Variants in RPS6KC1 observed in about 807,000 individuals in gnomAD.
The protein encoded by RPS6KC1 is inactive ribosomal protein S6 kinase delta-1.
RPS6KC1 carries 54 observed loss-of-function variants against 103.8 expected under a neutral mutation model. That is an observed-to-expected ratio of 0.52 (90% CI 0.42 to 0.65). The LOEUF is 0.65. Ranked by LOEUF, RPS6KC1 falls within the 30% of genes least tolerant of loss-of-function variation. The pLI is 0.00. For missense variants in RPS6KC1, 1,151 were observed against 1,253.8 expected (o/e 0.92, Z 1.24); for synonymous variants, 439 against 438.7 (o/e 1.00, Z -0.01).
intron 1 of RPS6KC1, among the ~76,000 whole-genome samples, chr1:213,065,691 T>A (rs1182424953): frequency 6.6e-6 from 1 of 152,248 alleles, no homozygotes; most frequent in Non-Finnish European, 1.5e-5. Context: ...GATTGTATTT[T>A]TATAATGCAG....
At chr1:213,346,773 ACTCTTATGCTT>A in the RPS6KC1 span, among the ~76,000 whole-genome samples, 1 of 151,990 alleles carries the variant, frequency 6.6e-6, no homozygotes, top group African/African-American at 2.4e-5. Flanking sequence ...ACATATCTGA[ACTCTTATGCTT>A]CTTTCTTATG....
intron 5 of RPS6KC1, among the ~76,000 whole-genome samples, chr1:213,128,215 C>T (rs1473074240): frequency 1.3e-5 from 2 of 152,114 alleles, no homozygotes; most frequent in African/African-American, 4.8e-5. Context: ...GCTGTTAATC[C>T]AGACATTAAC....
At chr1:213,457,561 C>T in the RPS6KC1 span, among the ~76,000 whole-genome samples, 2 of 152,218 alleles carry the variant, frequency 1.3e-5, no homozygotes, top group Non-Finnish European at 2.9e-5. Flanking sequence ...ACTTCTGCAA[C>T]TGACCATCTA....
the RPS6KC1 span, among the ~76,000 whole-genome samples, chr1:213,397,998 G>A: frequency 1.3e-5 from 2 of 152,056 alleles, no homozygotes; most frequent in Non-Finnish European, 2.9e-5. Context: ...AAATTGACAG[G>A]GGTGCAGAGA....
At chr1:213,160,321 A>G (rs750921320) in intron 6 of RPS6KC1, among the ~76,000 whole-genome samples, 1 of 152,244 alleles carries the variant, frequency 6.6e-6, no homozygotes, top group Non-Finnish European at 1.5e-5. Context: ...CATTCTGTTT[A>G]CACAGTGGTT....
intron 8 of RPS6KC1, among the ~76,000 whole-genome samples, chr1:213,203,990 C>T (rs1004073721): frequency 4.6e-5 from 7 of 152,196 alleles, no homozygotes; most frequent in Admixed American, 6.5e-5. Context: ...CCTATTCTTC[C>T]GCCATTTTCC....
chr1:213,858,647 T>A, the RPS6KC1 span, among the ~76,000 whole-genome samples: 2 of 152,186 alleles, frequency 1.3e-5, no homozygotes, highest in Non-Finnish European at 2.9e-5. Flanking sequence ...TACAACCAGT[T>A]AGCGCCAGTT....
intron 1 of RPS6KC1, among the ~76,000 whole-genome samples, chr1:213,063,964 A>G (rs953050342): frequency 6.6e-6 from 1 of 152,188 alleles, no homozygotes; most frequent in East Asian, 1.9e-4. Flanking sequence ...ATAAATTTCT[A>G]AAAAGCAAGA....
chr1:213,702,056 T>C, the RPS6KC1 span, among the ~76,000 whole-genome samples: 12 of 152,106 alleles, frequency 7.9e-5, no homozygotes, highest in African/African-American at 2.9e-4. Flanking sequence ...TTTATAGCTG[T>C]AAAATTCTCT....
the RPS6KC1 span, among the ~76,000 whole-genome samples, chr1:213,569,594 T>G: frequency 1.3e-5 from 2 of 152,106 alleles, no homozygotes; most frequent in Admixed American, 1.3e-4. Flanking sequence ...CAATAGGAGT[T>G]GGTATTTGAT....
chr1:213,120,478 G>A (rs1021827049), intron 5 of RPS6KC1, among the ~76,000 whole-genome samples: 4 of 152,098 alleles, frequency 2.6e-5, no homozygotes, highest in African/African-American at 9.7e-5. Context: ...ATACCAAAAG[G>A]TCTGCAAACT....
intron 1 of RPS6KC1, among the ~76,000 whole-genome samples, chr1:213,068,483 CAA>C (rs71147057): frequency 2.3e-3 from 83 of 36,328 alleles, no homozygotes; most frequent in South Asian, 7.7e-3. Flanking sequence ...GACTCTGTCT[CAA>C]AAAAAAAAAA....
intron 8 of RPS6KC1, among the ~76,000 whole-genome samples, chr1:213,212,462 C>A (rs2093536641): frequency 6.6e-6 from 1 of 152,052 alleles, no homozygotes. Flanking sequence ...CTGGATGACC[C>A]CAGTTTACCC....
chr1:213,848,602 A>C, the RPS6KC1 span, among the ~76,000 whole-genome samples: 1 of 152,066 alleles, frequency 6.6e-6, no homozygotes, highest in Non-Finnish European at 1.5e-5. Context: ...CATATATTCT[A>C]ATATATATTA....
the RPS6KC1 span, among the ~76,000 whole-genome samples, chr1:213,282,278 T>C: frequency 1.3e-5 from 2 of 152,360 alleles, no homozygotes; most frequent in South Asian, 4.1e-4. Context: ...CTGCGGACTA[T>C]AGCTTTGATG....
chr1:213,850,373 G>A, the RPS6KC1 span, among the ~76,000 whole-genome samples: 2,332 of 152,242 alleles, frequency 0.015, 43 homozygotes, highest in Middle Eastern at 0.034. Context: ...GTTTTACTGT[G>A]AAAAGGATGT....
At chr1:213,361,903 C>A in the RPS6KC1 span, among the ~76,000 whole-genome samples, 2 of 152,184 alleles carry the variant, frequency 1.3e-5, no homozygotes, top group African/African-American at 2.4e-5. Context: ...TGTGACAGGG[C>A]AGGCTTTGGC....
chr1:213,494,371 A>G, the RPS6KC1 span, among the ~76,000 whole-genome samples: 1 of 152,128 alleles, frequency 6.6e-6, no homozygotes, highest in Non-Finnish European at 1.5e-5. Context: ...GATGTTTTCA[A>G]AAAAGAACAA....
At chr1:213,792,140 CA>C in the RPS6KC1 span, among the ~76,000 whole-genome samples, 4 of 152,122 alleles carry the variant, frequency 2.6e-5, no homozygotes. Flanking sequence ...TGGTGCATCT[CA>C]AAGAACATTC....
Sources: gnomAD v4.1 joint callset for allele counts (sites outside exome capture counted in the v4.1 genomes callset) on GRCh38, gnomAD v4.1.1 for gene constraint, MANE v1.5 for transcripts, NCBI Gene and HGNC (gene_info 2026-07-23, HGNC 2026-07-21) for gene names.